PANK4: variants seen among roughly 807,000 people sequenced by gnomAD.
PANK4 encodes the protein 4'-phosphopantetheine phosphatase.
Under a neutral mutation model 87.9 loss-of-function variants are expected in PANK4, and 40 were observed. The ratio of observed to expected loss-of-function variants is 0.46; its 90% CI spans 0.35 to 0.59. PANK4 has a LOEUF of 0.59. Among genes scored for constraint, PANK4 ranks in the 20% least tolerant of loss-of-function variants. PANK4 has a pLI of 0.00. For synonymous variants in PANK4, 524 were observed against 467.4 expected, an observed-to-expected ratio of 1.12 and a Z score of -1.56; for missense variants, 926 against 1,072.3, an observed-to-expected ratio of 0.86 and a Z score of 1.90.
intron 9 of PANK4, among the ~76,000 whole-genome samples, chr1:2,517,453 G>C (rs1007582693): frequency 6.6e-6 from 1 of 152,272 alleles, no homozygotes; most frequent in Non-Finnish European, 1.5e-5. Flanking sequence ...CGTGACCTCA[G>C]GTTAACTGCT....
rs558409177 is a variant in PANK4 at position 2,518,631 on chromosome 1, C to T, written c.1036-34G>A. The T allele has an allele frequency of 5.2e-5, 79 of 1,511,840 alleles. No homozygotes were observed. In the East Asian group the frequency reaches 1.5e-3, roughly 28 times the overall value. The allele number at this position is 1,511,840 out of a possible 1,614,324, so 93.7% of individuals were successfully genotyped here. ...GCCAAAGCACACGTGCTGCTGTTGG[C>T]CCCACACAACACCCGGTGCCTCCGC... On this transcript the variant is annotated intron_variant, in intron 7 of 18. Coordinates refer to ENST00000378466, the MANE Select transcript of PANK4 (RefSeq NM_018216.4).
intron 13 of PANK4, 131 bp from the exon 14 acceptor site, chr1:2,511,814 C>T: frequency 1.5e-6 from 1 of 673,266 alleles, no homozygotes; most frequent in Non-Finnish European, 2.7e-6. Flanking sequence ...ATCCCAAATC[C>T]CTCCCAGGTG....
In PANK4 at chr1:2,512,947, C is replaced by G. The variant is rs138740968; in HGVS notation, c.1668G>C (p.Ala556=). 3 of 1,612,556 alleles carry G rather than the reference C, an allele frequency of 1.9e-6. No homozygotes were observed. Among genetic ancestry groups the G allele is most frequent in the African/African-American group, 1.3e-5 (1 of 74,938 alleles). ...DALGWEERQL[A]LVKGLLAGNV... Reference sequence around the variant, plus strand: ...TCCCCGCCAGGAGGCCTTTCACCAGCGCCAGCTGCCGTTCCTCCCAGCCCA... The same window carrying G: ...TCCCCGCCAGGAGGCCTTTCACCAGGGCCAGCTGCCGTTCCTCCCAGCCCA... Residue 556 remains alanine, a synonymous_variant, in exon 13 of 19, where the codon GCG becomes GCC. Coordinates refer to ENST00000378466, the MANE Select transcript of PANK4 (RefSeq NM_018216.4).
At position 2,511,624 on chromosome 1, in the gene PANK4, G is replaced by C. The variant is rs375668979; in HGVS notation, c.1783+4C>G. 6.3e-7 allele frequency: 1 copy of C among 1,599,290 alleles called. No homozygotes were observed. The highest frequency in any genetic ancestry group is 1.3e-5 in the African/African-American group (1 of 74,808). On this transcript the variant is annotated splice_donor_region_variant and intron_variant, in intron 14 of 18. Transcript: ENST00000378466. Reference sequence around the variant, plus strand: ...AAGGCCCCAAGTTACTTGGCCATCCGTACCTTGTAACTTCCTCTTTGCTTC... The same window carrying C: ...AAGGCCCCAAGTTACTTGGCCATCCCTACCTTGTAACTTCCTCTTTGCTTC...
At position 2,510,258 on chromosome 1, in the gene PANK4, G is replaced by C. The variant is rs952731173; in HGVS notation, c.1939-101C>G. ...AGTGGCTGGGCTGGGTGAGGGTGCT[G>C]TGCCCAGCGGGCCTGGCCAGCCACC... On this transcript the variant is annotated intron_variant, in intron 16 of 18. Coordinates refer to ENST00000378466, the MANE Select transcript of PANK4 (RefSeq NM_018216.4). The surrounding 1 kb of genome is among the most constrained non-coding windows in gnomAD (Gnocchi z 4.9). 30 of 790,818 alleles carry C rather than the reference G, an allele frequency of 3.8e-5. No homozygotes were observed. The highest frequency in any genetic ancestry group is 6.1e-5 in the Non-Finnish European group (28 of 460,960). 49.0% of individuals were successfully genotyped at this position (790,818 alleles called of 1,614,324 possible).
intron 12 of PANK4, among the ~76,000 whole-genome samples, chr1:2,513,727 C>T (rs1643706795): frequency 6.6e-6 from 1 of 152,232 alleles, no homozygotes; most frequent in Non-Finnish European, 1.5e-5. Flanking sequence ...GTCAGGAACA[C>T]ATCCAAACTG....
intron 8 of PANK4, 26 bp from the exon 9 acceptor site, chr1:2,518,290 T>G: frequency 6.7e-7 from 1 of 1,501,152 alleles, no homozygotes. Context: ...CCAGGTCACT[T>G]GTGTTAACCT....
At chr1:2,525,535 G>GT (rs1163745631) in intron 1 of PANK4, 1 of 152,216 alleles carries the variant, frequency 6.6e-6, no homozygotes, top group Non-Finnish European at 1.5e-5. Flanking sequence ...GGAGAGCAGG[G>GT]AGTGGCTGGT....
intron 1 of PANK4, among the ~76,000 whole-genome samples, chr1:2,524,075 G>A (rs1028799109): frequency 4.6e-5 from 7 of 152,190 alleles, no homozygotes; most frequent in Non-Finnish European, 7.3e-5. Context: ...AGACACCACC[G>A]CCCCGTGGCC....
In PANK4 at chr1:2,510,582, G is replaced by C; in HGVS notation, c.1938+96C>G. On this transcript the variant is annotated intron_variant, in intron 16 of 18. Coordinates refer to ENST00000378466, the MANE Select transcript of PANK4 (RefSeq NM_018216.4). This position sits in a 1 kb window ranked among gnomAD's most constrained non-coding sequence, Gnocchi z 4.9. ...CTGCACCTACCTGCTGCGTCCGGAG[G>C]AGCCCCGACCACCGCCAGAGGCCCA... 1 of 753,170 alleles carries C rather than the reference G, an allele frequency of 1.3e-6. No individual in the cohort carries two copies. Among genetic ancestry groups the C allele is most frequent in the Non-Finnish European group, 2.3e-6 (1 of 429,752 alleles). The allele number at this position is 753,170 out of a possible 1,614,324, so 46.7% of individuals were successfully genotyped here.
chr1:2,513,926 G>A lies in PANK4; in HGVS notation c.1575+76C>T, dbSNP rs555647940. 73 of 1,110,258 alleles carry A rather than the reference G, an allele frequency of 6.6e-5. No homozygotes were observed. The African/African-American group carries it at 6.6e-4, about 10-fold the overall frequency. 68.8% of individuals were successfully genotyped at this position (1,110,258 alleles called of 1,614,324 possible). A position where few individuals can be genotyped will look rare whatever the true frequency, so the allele number is the denominator to read the frequency against. On this transcript the variant is annotated intron_variant, in intron 12 of 18. Transcript: ENST00000378466. ...ACAGGACAGGATGCCCCGAGCCAGC[G>A]GGACAGAGACAGGACACGCGGTGCC... is the stretch of plus-strand genomic sequence containing the variant.
rs1291782114 is a variant in PANK4, at chr1:2,521,090, T to G, written c.422+11A>C. On this transcript the variant is annotated intron_variant, in intron 3 of 18. Transcript: ENST00000378466. Reference sequence around the variant, plus strand: ...ACATGTTCCTTTCTCGCCCTTGAGATCCCCACTCACTTCAGCCGCAGCTTC... The same window carrying G: ...ACATGTTCCTTTCTCGCCCTTGAGAGCCCCACTCACTTCAGCCGCAGCTTC... The G allele has an allele frequency of 1.9e-6, 3 of 1,607,552 alleles. No individual in the cohort carries two copies. Among genetic ancestry groups the G allele is most frequent in the Non-Finnish European group, 2.6e-6 (3 of 1,175,180 alleles).
chr1:2,513,955 G>A (rs771204570), intron 12 of PANK4, 47 bp downstream of exon 12: 22 of 1,357,214 alleles, frequency 1.6e-5, no homozygotes, highest in East Asian at 4.6e-5. Context: ...CGGTGCCAGC[G>A]GGACGGGGAC....
At chr1:2,518,300 T>C in intron 8 of PANK4, 36 bp from the exon 9 acceptor site, 4 of 1,434,748 alleles carry the variant, frequency 2.8e-6, no homozygotes, top group South Asian at 1.2e-5. Context: ...TGTGTTAACC[T>C]TGCCCTTGAT....
intron 1 of PANK4, among the ~76,000 whole-genome samples, chr1:2,523,108 A>C (rs906535879): frequency 5.9e-5 from 9 of 152,200 alleles, no homozygotes; most frequent in Non-Finnish European, 5.9e-5. Context: ...ACAAAATACT[A>C]TAAGGATGTC....
chr1:2,511,425 T>A (rs1643659574), intron 14 of PANK4, 38 bp from the exon 15 acceptor site: 1 of 1,531,164 alleles, frequency 6.5e-7, no homozygotes, highest in African/African-American at 1.4e-5. Flanking sequence ...AGCCCGGTGC[T>A]CCAGGTCAGG....
Position 2,520,756 on chromosome 1 carries a change from A to G in PANK4, c.573T>C (p.Leu191=). Reference sequence around the variant, plus strand: ...TGGAGACTCCAGAGCCGATATTGACAAGAAGATAGGGGAAAATGTGGGGGT... The same window carrying G: ...TGGAGACTCCAGAGCCGATATTGACGAGAAGATAGGGGAAAATGTGGGGGT... ...TNHPHIFPYL[L]VNIGSGVSIV... is the part of the protein sequence containing the mutation. Residue 191 remains leucine, a synonymous_variant, in exon 4 of 19, where the codon CTT becomes CTC. Coordinates refer to ENST00000378466, the MANE Select transcript of PANK4 (RefSeq NM_018216.4). The surrounding 1 kb of genome is among the most constrained non-coding windows in gnomAD (Gnocchi z 6.2). The G allele has an allele frequency of 6.2e-7, 1 of 1,613,412 alleles. No individual in the cohort carries two copies. Among genetic ancestry groups the G allele is most frequent in the Non-Finnish European group, 8.5e-7 (1 of 1,179,846 alleles).
rs201245931 is a variant in PANK4, at chr1:2,508,864, C to G, written c.2305G>C (p.Glu769Gln). The G allele has an allele frequency of 1.9e-6, 3 of 1,598,412 alleles. No homozygotes were observed. The highest frequency in any genetic ancestry group is 2.6e-6 in the Non-Finnish European group (3 of 1,170,606). ...GCAGCGCCTCACTCGGCTGGGACCT[C>G]GTACTTGAAGATGACGCTGAAGAGC... is the stretch of plus-strand genomic sequence containing the variant. ...GRLFSVIFKYEVPAE is the reference protein window; with the variant it reads ...GRLFSVIFKYQVPAE Residue 769 changes from glutamate to glutamine, a missense_variant, in exon 19 of 19, where the codon GAG becomes CAG. Physicochemically the swap from Glu to Gln is conservative, Grantham distance 29. Coordinates refer to ENST00000378466, the MANE Select transcript of PANK4 (RefSeq NM_018216.4). The surrounding 1 kb of genome is among the most constrained non-coding windows in gnomAD (Gnocchi z 5.1).
In PANK4 at chr1:2,520,009, C is replaced by G; in HGVS notation, c.700-55G>C. On this transcript the variant is annotated intron_variant, in intron 5 of 18. Transcript: ENST00000378466. This position sits in a 1 kb window ranked among gnomAD's most constrained non-coding sequence, Gnocchi z 6.2. ...GCGCCAGGAGCTGCTGGAATCCCCA[C>G]GACCCCAGAAACCAAGCCCATGGCA... is the stretch of plus-strand genomic sequence containing the variant. The G allele has an allele frequency of 1.3e-6, 2 of 1,487,384 alleles. No homozygotes were observed. The highest frequency in any genetic ancestry group is 1.8e-6 in the Non-Finnish European group (2 of 1,108,414). The allele number at this position is 1,487,384 out of a possible 1,614,324, so 92.1% of individuals were successfully genotyped here.
Sources: gnomAD v4.1 joint callset for allele counts (sites outside exome capture counted in the v4.1 genomes callset) on GRCh38, gnomAD v4.1.1 for gene constraint, Gnocchi (gnomAD v3.1) non-coding constraint, MANE v1.5 for transcripts, NCBI Gene and HGNC (gene_info 2026-07-23, HGNC 2026-07-21) for gene names.